The following TSHZ2 variants were observed in gnomAD, a reference collection of about 807,000 sequenced individuals.
The protein encoded by TSHZ2 is teashirt homolog 2.
TSHZ2 carries 21 observed loss-of-function variants against 74.4 expected under a neutral mutation model. The observed-to-expected ratio is 0.28, with a 90% CI of 0.20 to 0.41. The LOEUF is 0.41. Among genes scored for constraint, TSHZ2 ranks in the 10% least tolerant of loss-of-function variants. TSHZ2 has a pLI of 1.00. For missense variants in TSHZ2, 1,244 were observed against 1,293.5 expected (o/e 0.96, Z 0.59); for synonymous variants, 540 against 515.3 (o/e 1.05, Z -0.65).
intron 2 of TSHZ2, among the ~76,000 whole-genome samples, chr20:53,374,671 T>C (rs984147995): frequency 3.3e-5 from 5 of 152,192 alleles, no homozygotes; most frequent in African/African-American, 1.2e-4. Context: ...TTTGTTTTGG[T>C]TCTTAAGAGC....
chr20:53,423,951 A>G (rs1465150100), intron 2 of TSHZ2, among the ~76,000 whole-genome samples: 3 of 152,202 alleles, frequency 2.0e-5, no homozygotes, highest in African/African-American at 7.2e-5. Context: ...GGATGCAGCT[A>G]AACACCCCGA....
chr20:53,152,603 C>T (rs75526733), intron 1 of TSHZ2, among the ~76,000 whole-genome samples: 3,225 of 152,294 alleles, frequency 0.021, 123 homozygotes, highest in African/African-American at 0.074. Context: ...CAAGATTTAA[C>T]TGTTGTCATT....
At chr20:53,016,223 G>A (rs1021143222) in intron 1 of TSHZ2, among the ~76,000 whole-genome samples, 2 of 152,054 alleles carry the variant, frequency 1.3e-5, no homozygotes, top group African/African-American at 2.4e-5. Context: ...AATCATTCAG[G>A]CCAGCACTGC....
intron 1 of TSHZ2, among the ~76,000 whole-genome samples, chr20:53,220,953 C>G (rs143810832): frequency 6.6e-6 from 1 of 152,206 alleles, no homozygotes; most frequent in East Asian, 1.9e-4. Flanking sequence ...CCTTCTGATT[C>G]ATGAATGATA....
intron 1 of TSHZ2, among the ~76,000 whole-genome samples, chr20:53,013,181 C>T (rs1982917528): frequency 6.6e-6 from 1 of 152,142 alleles, no homozygotes; most frequent in Non-Finnish European, 1.5e-5. Context: ...GTTGGGTGAT[C>T]AGCCATGTCT....
chr20:53,138,210 G>A lies in TSHZ2; in HGVS notation c.41-115289G>A, dbSNP rs575017916. Among the ~76,000 whole-genome samples the A allele has an allele frequency of 1.4e-4, 22 of 152,032 alleles. No individual in the cohort carries two copies. The South Asian group carries it at 2.3e-3, about 16-fold the overall frequency. ...ATCCTGGCTAACACGGTGAAACCCCGTCTCTACTAAAAAATACAAAAAAAT... is the reference window on the plus strand; with the variant it reads ...ATCCTGGCTAACACGGTGAAACCCCATCTCTACTAAAAAATACAAAAAAAT... On this transcript the variant is annotated intron_variant, in intron 1 of 2. Coordinates refer to ENST00000371497, the MANE Select transcript of TSHZ2 (RefSeq NM_173485.6).
chr20:53,053,106 A>G (rs1984529750), intron 1 of TSHZ2, among the ~76,000 whole-genome samples: 2 of 152,006 alleles, frequency 1.3e-5, no homozygotes, highest in South Asian at 4.2e-4. Context: ...CTATAGATTG[A>G]CCTGTTTGGG....
rs1288381019 is a variant in TSHZ2 at position 53,145,277 on chromosome 20, G to A, written c.41-108222G>A. 4.6e-5 allele frequency among the ~76,000 whole-genome samples: 7 copies of A among 152,324 alleles called. No homozygotes were observed. In the East Asian group the frequency reaches 1.2e-3, roughly 25 times the overall value. ...CTTTTGAAGAAAGAGAGTTGGAGGA[G>A]GACCAGGGCCTGATAGAAATCCCAT... On this transcript the variant is annotated intron_variant, in intron 1 of 2. Coordinates refer to ENST00000371497, the MANE Select transcript of TSHZ2 (RefSeq NM_173485.6).
chr20:53,143,635 T>C (rs972857189), intron 1 of TSHZ2, among the ~76,000 whole-genome samples: 4 of 152,042 alleles, frequency 2.6e-5, no homozygotes, highest in Non-Finnish European at 5.9e-5. Context: ...GAGCTTGCAG[T>C]GAGCCAAGAT....
At chr20:53,110,915 T>G (rs2123322451) in intron 1 of TSHZ2, among the ~76,000 whole-genome samples, 1 of 151,852 alleles carries the variant, frequency 6.6e-6, no homozygotes, top group East Asian at 2.0e-4. Context: ...CCAGCAGACA[T>G]CTAAAGAGAA....
At chr20:53,329,218 A>G (rs2145543355) in intron 2 of TSHZ2, among the ~76,000 whole-genome samples, 1 of 152,260 alleles carries the variant, frequency 6.6e-6, no homozygotes, top group East Asian at 1.9e-4. Flanking sequence ...GTCTGTCGAG[A>G]CTGTTTTGTC....
At chr20:53,452,589 ACT>A (rs770155522) in intron 2 of TSHZ2, among the ~76,000 whole-genome samples, 3 of 122,504 alleles carry the variant, frequency 2.4e-5, no homozygotes, top group Non-Finnish European at 5.2e-5. Context: ...ACACAGTGAG[ACT>A]CTGTCTCAAA....
At chr20:53,391,652 T>C (rs6022442) in intron 2 of TSHZ2, among the ~76,000 whole-genome samples, 4,418 of 152,238 alleles carry the variant, frequency 0.029, 123 homozygotes, top group African/African-American at 0.063. Flanking sequence ...ATATTAAGAA[T>C]GGCAAAATAG....
At chr20:53,143,512 T>C (rs575854489) in intron 1 of TSHZ2, among the ~76,000 whole-genome samples, 8 of 152,000 alleles carry the variant, frequency 5.3e-5, no homozygotes, top group Admixed American at 3.3e-4. Flanking sequence ...GCTAACACAG[T>C]GAAACCCCGT....
At chr20:53,019,415 C>T (rs1983154474) in intron 1 of TSHZ2, among the ~76,000 whole-genome samples, 1 of 152,166 alleles carries the variant, frequency 6.6e-6, no homozygotes, top group South Asian at 2.1e-4. Context: ...ACCACTCCCA[C>T]TGTGACTGCT....
chr20:53,488,850 ACTTCT>A lies in TSHZ2; in HGVS notation c.*1716_*1720del. ...ACATTGGGATTAAAAAAAAAAAAAAACTTCTTATTTACCTCCTAGGGAAAGTGTTG... is the reference window on the plus strand; with the variant it reads ...ACATTGGGATTAAAAAAAAAAAAAAATATTTACCTCCTAGGGAAAGTGTTG... On this transcript the variant is annotated 3_prime_UTR_variant, in exon 3 of 3. Transcript: ENST00000371497. 3 of 339,498 alleles carry A rather than the reference ACTTCT, an allele frequency of 8.8e-6. No individual in the cohort carries two copies. 21.0% of individuals were successfully genotyped at this position (339,498 alleles called of 1,614,324 possible).
At chr20:53,120,910 T>TAGA (rs779207924) in intron 1 of TSHZ2, among the ~76,000 whole-genome samples, 23 of 152,252 alleles carry the variant, frequency 1.5e-4, no homozygotes, top group African/African-American at 2.2e-4. Context: ...AATCAAATCA[T>TAGA]AGAAGATGTA....
chr20:53,285,026 CA>C (rs1358236853), intron 2 of TSHZ2, among the ~76,000 whole-genome samples: 43 of 152,284 alleles, frequency 2.8e-4, no homozygotes, highest in Admixed American at 2.1e-3. Context: ...TGAAGCTGTT[CA>C]GCAGAGTCAG....
intron 1 of TSHZ2, among the ~76,000 whole-genome samples, chr20:53,035,775 C>T (rs902486208): frequency 6.6e-6 from 1 of 152,118 alleles, no homozygotes; most frequent in Non-Finnish European, 1.5e-5. Context: ...GGTTTCATAG[C>T]AGAGAGTAGC....
Sources: allele counts gnomAD v4.1 joint callset (sites outside exome capture counted in the v4.1 genomes callset), GRCh38; gene constraint gnomAD v4.1.1; transcripts MANE v1.5; gene names NCBI Gene and HGNC (gene_info 2026-07-23, HGNC 2026-07-21).